NELFA: variants seen among roughly 807,000 people sequenced by gnomAD.
NELFA encodes the protein negative elongation factor complex member A, also known as negative elongation factor A.
Under a neutral mutation model 51.8 loss-of-function variants are expected in NELFA, and 35 were observed. The observed-to-expected ratio is 0.68, with a 90% confidence interval of 0.52 to 0.90. NELFA has a LOEUF of 0.90. NELFA is among the 40% of genes least tolerant of loss of function. The probability of loss-of-function intolerance (pLI) is 0.00; values close to 1 mark genes in which losing one functional copy is unlikely to be tolerated. For synonymous variants in NELFA, 417 were observed against 338.4 expected (o/e 1.23, Z -2.55); for missense variants, 658 against 746.4 (o/e 0.88, Z 1.38).
chr4:1,986,953 C>T (rs911854986), intron 4 of NELFA, among the ~76,000 whole-genome samples: 7 of 152,166 alleles, frequency 4.6e-5, no homozygotes, highest in Non-Finnish European at 4.4e-5. Flanking sequence ...CCCACCCTCC[C>T]TGGGCCAGCA....
intron 6 of NELFA, 115 bp downstream of exon 6, chr4:1,985,999 G>T: frequency 7.3e-7 from 1 of 1,373,816 alleles, no homozygotes; most frequent in Non-Finnish European, 9.9e-7. Flanking sequence ...CCCACCCACG[G>T]AGAGCAGCCT....
At chr4:1,986,823 G>A (rs1415373972) in intron 4 of NELFA, among the ~76,000 whole-genome samples, 1 of 152,152 alleles carries the variant, frequency 6.6e-6, no homozygotes, top group Non-Finnish European at 1.5e-5. Flanking sequence ...ACCCACCAGC[G>A]CCCACACGCA....
chr4:1,996,688 T>C (rs1181958848), intron 1 of NELFA, among the ~76,000 whole-genome samples: 1 of 152,234 alleles, frequency 6.6e-6, no homozygotes, highest in African/African-American at 2.4e-5. Context: ...TCCCAGCAAT[T>C]TGGTCAACCA....
chr4:1,984,513 C>A (rs1302266846), intron 8 of NELFA, among the ~76,000 whole-genome samples: 1 of 152,212 alleles, frequency 6.6e-6, no homozygotes, highest in African/African-American at 2.4e-5. Flanking sequence ...TACCCAGCAA[C>A]AAGAGCTGGG....
intron 2 of NELFA, chr4:1,990,112 C>T (rs751247556): frequency 1.3e-5 from 7 of 552,356 alleles, no homozygotes; most frequent in Middle Eastern, 4.9e-4. Context: ...CTGGAAACCT[C>T]TGGCACCGCG....
chr4:2,008,532 G>C (rs1037106533), intron 1 of NELFA, among the ~76,000 whole-genome samples: 1 of 147,090 alleles, frequency 6.8e-6, no homozygotes, highest in Non-Finnish European at 1.5e-5. Context: ...GGGAGATGAG[G>C]ATCGAGGCGG....
At chr4:1,993,954 C>G (rs1728355431) in intron 1 of NELFA, among the ~76,000 whole-genome samples, 1 of 152,176 alleles carries the variant, frequency 6.6e-6, no homozygotes, top group South Asian at 2.1e-4. Flanking sequence ...GCGCCACCAC[C>G]ACGCCCGGCC....
chr4:1,990,550 G>A (rs1230582407), intron 2 of NELFA: 2 of 456,136 alleles, frequency 4.4e-6, no homozygotes, highest in Non-Finnish European at 8.8e-6. Flanking sequence ...GCATCTGTGT[G>A]GTGTGTGTGA....
intron 8 of NELFA, 22 bp from the exon 9 acceptor site, chr4:1,984,135 G>A (rs1728005736): frequency 1.3e-6 from 2 of 1,519,980 alleles, no homozygotes; most frequent in Non-Finnish European, 8.8e-7. Context: ...CCGGGGCCTG[G>A]TGAGGGGGCT....
chr4:2,006,991 C>G (rs1345490521), intron 1 of NELFA: 1 of 171,354 alleles, frequency 5.8e-6, no homozygotes, highest in East Asian at 1.8e-4. Flanking sequence ...AGTGCCATGG[C>G]TCACACCTGT....
intron 1 of NELFA, among the ~76,000 whole-genome samples, chr4:2,004,677 A>G (rs1192240780): frequency 2.7e-5 from 4 of 149,422 alleles, no homozygotes; most frequent in South Asian, 4.3e-4. Flanking sequence ...TTATGGAGAC[A>G]GGGTTTCACC....
chr4:2,000,172 A>G (rs1728533588), intron 1 of NELFA, among the ~76,000 whole-genome samples: 1 of 152,218 alleles, frequency 6.6e-6, no homozygotes. Context: ...AGAAAGCTAG[A>G]AAGATCTCAA....
intron 2 of NELFA, chr4:1,990,319 T>A: frequency 2.3e-6 from 1 of 444,390 alleles, no homozygotes; most frequent in Middle Eastern, 3.3e-4. Flanking sequence ...ACTGCCCACA[T>A]CCATTTCCTC....
At chr4:1,994,990 GCACCTGGACAGTTAGT>G (rs1474245686) in intron 1 of NELFA, among the ~76,000 whole-genome samples, 1 of 152,242 alleles carries the variant, frequency 6.6e-6, no homozygotes, top group East Asian at 1.9e-4. Context: ...GGGCCATGGG[GCACCTGGACAGTTAGT>G]CCCTCATGAT....
At position 1,991,724 on chromosome 4, in the gene NELFA, T is replaced by C. The variant is rs559733238; in HGVS notation, c.211-9A>G. On this transcript the variant is annotated splice_polypyrimidine_tract_variant and intron_variant, in intron 1 of 10. Coordinates refer to ENST00000382882, the MANE Select transcript of NELFA (RefSeq NM_005663.5). ...ATTAGGGCGCCCTTCATCTGCAAAATAGGATGCTGCCGGCGCCACCATGCC... is the reference window on the plus strand; with the variant it reads ...ATTAGGGCGCCCTTCATCTGCAAAACAGGATGCTGCCGGCGCCACCATGCC... 13 of 1,580,468 alleles carry C rather than the reference T, an allele frequency of 8.2e-6. No individual in the cohort carries two copies. The highest frequency in any genetic ancestry group is 4.1e-5 in the African/African-American group (3 of 73,594).
In NELFA at chr4:1,989,927, G is replaced by A; in HGVS notation, c.383-58C>T. The A allele has an allele frequency of 3.2e-6, 5 of 1,575,846 alleles. No individual in the cohort carries two copies. The highest frequency in any genetic ancestry group is 2.2e-5 in the East Asian group (1 of 44,564). ...CCCAGGCCGCAGACCTCCCGGCTGA[G>A]AGGAGCTGGCGGCTGCCCAGCCCCA... On this transcript the variant is annotated intron_variant, in intron 2 of 10. Coordinates refer to ENST00000382882, the MANE Select transcript of NELFA (RefSeq NM_005663.5). This position sits in a 1 kb window ranked among gnomAD's most constrained non-coding sequence, Gnocchi z 4.8.
At chr4:1,999,272 C>T (rs1728510986) in intron 1 of NELFA, among the ~76,000 whole-genome samples, 1 of 151,178 alleles carries the variant, frequency 6.6e-6, no homozygotes, top group Admixed American at 6.6e-5. Flanking sequence ...ATCATGATTA[C>T]AGGACCGAAT....
chr4:1,983,561 C>A (rs778339006), intron 10 of NELFA, 35 bp downstream of exon 10: 2 of 1,612,368 alleles, frequency 1.2e-6, no homozygotes, highest in Non-Finnish European at 1.7e-6. Context: ...CCAACCCGGC[C>A]CGGTGCACCC....
chr4:2,008,780 C>T lies in NELFA; in HGVS notation c.180G>A (p.Thr60=), dbSNP rs373321225. The change falls in exon 1 of 11, where the codon ACG becomes ACA. Residue 60 remains threonine, a synonymous_variant. Coordinates refer to ENST00000382882, the MANE Select transcript of NELFA (RefSeq NM_005663.5). ...SAVKLKLLLG[T]LHLPRRTVDE... ...CCACCGTGCGGCGCGGGAGGTGCAG[C>T]GTCCCGAGTAGCAACTTGAGCTTCA... The T allele has an allele frequency of 1.1e-5, 18 of 1,611,690 alleles. No individual in the cohort carries two copies. Among genetic ancestry groups the T allele is most frequent in the Non-Finnish European group, 1.4e-5 (17 of 1,179,188 alleles).
Sources: allele counts gnomAD v4.1 joint callset (sites outside exome capture counted in the v4.1 genomes callset), GRCh38; gene constraint gnomAD v4.1.1; non-coding constraint Gnocchi (gnomAD v3.1); transcripts MANE v1.5; gene names NCBI Gene and HGNC (gene_info 2026-07-23, HGNC 2026-07-21).